Variants in CADPS2 observed in about 807,000 individuals in gnomAD.
CADPS2 encodes the protein calcium-dependent secretion activator 2.
A neutral mutation model predicts 172.5 loss-of-function variants in CADPS2; 93 were observed. That is an observed-to-expected ratio of 0.54 (90% confidence interval 0.46 to 0.64). The LOEUF is 0.64. Ranked by LOEUF, CADPS2 falls within the 30% of genes least tolerant of loss-of-function variation. CADPS2 has a pLI of 0.00. For synonymous variants in CADPS2, 546 were observed against 555.2 expected, an observed-to-expected ratio of 0.98 and a Z score of 0.23; for missense variants, 1,420 against 1,565.9, an observed-to-expected ratio of 0.91 and a Z score of 1.57.
intron 1 of CADPS2, among the ~76,000 whole-genome samples, chr7:122,840,590 G>C (rs1223040068): frequency 6.8e-6 from 1 of 146,620 alleles, no homozygotes; most frequent in African/African-American, 2.5e-5. Context: ...AAATCAGCAA[G>C]AAAAAACTTA....
Position 122,397,107 on chromosome 7 carries a change from GA to G in CADPS2, c.2747-3526del, listed in dbSNP as rs780414465. 3.9e-5 allele frequency among the ~76,000 whole-genome samples: 6 copies of G among 152,030 alleles called. 1 individual carries two copies. The highest frequency in any genetic ancestry group is 1.4e-4 in the African/African-American group (6 of 41,382). ...AGATCGGACTGCTAAAAATTCTAAT[GA>G]ATATAAAAGTTGGTTATTTTATGTT... On this transcript the variant is annotated intron_variant, in intron 20 of 29. Coordinates refer to ENST00000449022, the MANE Select transcript of CADPS2 (RefSeq NM_017954.11).
chr7:122,701,764 T>C, intron 2 of CADPS2: 2 of 1,068,068 alleles, frequency 1.9e-6, no homozygotes, highest in East Asian at 2.4e-5. Context: ...TAAAGTACAA[T>C]AAGACAATTT....
rs368078936 is a variant in CADPS2 at position 122,701,830 on chromosome 7, T to C, written c.453+35125A>G. 1.6e-5 allele frequency: 25 copies of C among 1,561,684 alleles called. 1 individual carries two copies. The highest frequency in any genetic ancestry group is 3.4e-4 in the Middle Eastern group (2 of 5,826). On this transcript the variant is annotated intron_variant, in intron 2 of 29. Transcript: ENST00000449022. ...TACATCTTCAGAAAATTCTCCAGAT[T>C]TCTTAAGTTTTCAGGATGTCACACT...
chr7:122,552,244 C>A (rs1411838826), intron 8 of CADPS2, among the ~76,000 whole-genome samples: 1 of 152,096 alleles, frequency 6.6e-6, no homozygotes, highest in Non-Finnish European at 1.5e-5. Flanking sequence ...AGCATAACAT[C>A]ATCACAGATA....
intron 2 of CADPS2, among the ~76,000 whole-genome samples, chr7:122,706,921 T>C (rs1392769533): frequency 6.6e-6 from 1 of 151,200 alleles, no homozygotes; most frequent in Non-Finnish European, 1.5e-5. Context: ...CCATGCCTAA[T>C]GAAATCCTTG....
intron 1 of CADPS2, among the ~76,000 whole-genome samples, chr7:122,862,731 T>TA (rs1412016373): frequency 1.3e-4 from 19 of 151,654 alleles, no homozygotes; most frequent in Non-Finnish European, 1.3e-4. Flanking sequence ...TTTGTTTTTT[T>TA]TAAAAAAAAA....
chr7:122,406,475 G>GGGAAGAA (rs1357344829), intron 20 of CADPS2, among the ~76,000 whole-genome samples: 1 of 152,154 alleles, frequency 6.6e-6, no homozygotes, highest in African/African-American at 2.4e-5. Flanking sequence ...CAGGAAGACA[G>GGGAAGAA]GGAAGAAGGA....
intron 1 of CADPS2, among the ~76,000 whole-genome samples, chr7:122,749,713 G>A (rs1397475103): frequency 6.6e-6 from 1 of 151,506 alleles, no homozygotes; most frequent in Non-Finnish European, 1.5e-5. Flanking sequence ...AATTTTAGTG[G>A]CAAAAATGCC....
chr7:122,431,024 C>T (rs902517466), intron 17 of CADPS2, among the ~76,000 whole-genome samples: 4 of 152,182 alleles, frequency 2.6e-5, no homozygotes, highest in African/African-American at 9.6e-5. Context: ...TTCTCTGATC[C>T]AGCATTAGTG....
intron 7 of CADPS2, among the ~76,000 whole-genome samples, chr7:122,566,009 T>C (rs2066418702): frequency 6.6e-6 from 1 of 152,164 alleles, no homozygotes; most frequent in African/African-American, 2.4e-5. Flanking sequence ...CCTTTTTAGA[T>C]TCTACATGTA....
chr7:122,618,620 G>C (rs930259382), intron 5 of CADPS2, among the ~76,000 whole-genome samples: 1 of 152,110 alleles, frequency 6.6e-6, no homozygotes, highest in African/African-American at 2.4e-5. Context: ...TCCTCCACTG[G>C]ACCACTTCTA....
rs771630225 is a variant in CADPS2, at chr7:122,490,035, T to G, written c.1852+46A>C. 17 of 1,522,170 alleles carry G rather than the reference T, an allele frequency of 1.1e-5. No individual in the cohort carries two copies. The South Asian group carries it at 1.8e-4, about 16-fold the overall frequency. The allele number at this position is 1,522,170 out of a possible 1,614,324, so 94.3% of individuals were successfully genotyped here. On this transcript the variant is annotated intron_variant, in intron 11 of 29. Transcript: ENST00000449022. ...ACATTTGCCTCAATTTTATATCTTA[T>G]TAAGGCTATTAATTGATAATCAAAT...
At chr7:122,586,741 A>G (rs560681999) in intron 6 of CADPS2, among the ~76,000 whole-genome samples, 3 of 152,072 alleles carry the variant, frequency 2.0e-5, no homozygotes, top group South Asian at 4.1e-4. Flanking sequence ...CATTATGTAG[A>G]AAAAAACACA....
chr7:122,835,866 T>A (rs894221055), intron 1 of CADPS2, among the ~76,000 whole-genome samples: 2 of 152,124 alleles, frequency 1.3e-5, no homozygotes, highest in African/African-American at 4.8e-5. Flanking sequence ...AAGGATATTA[T>A]CCGGGAGAAC....
chr7:122,658,829 C>T (rs769073014), intron 3 of CADPS2, among the ~76,000 whole-genome samples: 1 of 151,952 alleles, frequency 6.6e-6, no homozygotes, highest in Non-Finnish European at 1.5e-5. Context: ...CACATGTATA[C>T]ATATGTAACT....
chr7:122,769,614 G>T (rs952267066), intron 1 of CADPS2, among the ~76,000 whole-genome samples: 2 of 152,164 alleles, frequency 1.3e-5, no homozygotes, highest in Non-Finnish European at 2.9e-5. Context: ...TTTGCTAAAA[G>T]CCATTTTCTC....
chr7:122,695,975 A>G (rs1175427101), intron 2 of CADPS2, among the ~76,000 whole-genome samples: 3 of 152,246 alleles, frequency 2.0e-5, no homozygotes, highest in African/African-American at 7.2e-5. Flanking sequence ...ACAAGAGTAC[A>G]CAGAGCTGCA....
At chr7:122,324,835 T>C (rs1396308581) in intron 29 of CADPS2, among the ~76,000 whole-genome samples, 1 of 152,164 alleles carries the variant, frequency 6.6e-6, no homozygotes, top group Non-Finnish European at 1.5e-5. Flanking sequence ...TGAAAAATTA[T>C]GCATAATATA....
intron 28 of CADPS2, among the ~76,000 whole-genome samples, chr7:122,332,245 CTCT>C (rs1482726533): frequency 2.6e-5 from 4 of 152,270 alleles, no homozygotes; most frequent in Admixed American, 2.6e-4. Context: ...CTCATATACT[CTCT>C]TAAGACTCAT....
Sources: gnomAD v4.1 joint callset for allele counts (sites outside exome capture counted in the v4.1 genomes callset) on GRCh38, gnomAD v4.1.1 for gene constraint, MANE v1.5 for transcripts, NCBI Gene and HGNC (gene_info 2026-07-23, HGNC 2026-07-21) for gene names.